ADGRL3: variants seen among roughly 807,000 people sequenced by gnomAD.
ADGRL3 encodes calcium-independent alpha-latrotoxin receptor 3.
Under a neutral mutation model 153.5 loss-of-function variants are expected in ADGRL3, and 62 were observed. The observed-to-expected ratio is 0.40, with a 90% CI of 0.33 to 0.50. ADGRL3 has a LOEUF of 0.50. Ranked by LOEUF, ADGRL3 falls within the 20% of genes least tolerant of loss-of-function variation. The probability of loss-of-function intolerance (pLI) is 0.47; values close to 1 mark genes in which losing one functional copy is unlikely to be tolerated. For synonymous variants in ADGRL3, 710 were observed against 672.5 expected, an observed-to-expected ratio of 1.06 and a Z score of -0.86; for missense variants, 1,641 against 1,859.4, an observed-to-expected ratio of 0.88 and a Z score of 2.16.
intron 9 of ADGRL3, among the ~76,000 whole-genome samples, chr4:61,831,604 C>G (rs1452681919): frequency 1.3e-5 from 2 of 151,974 alleles, no homozygotes; most frequent in Non-Finnish European, 2.9e-5. Flanking sequence ...GAGATTTACT[C>G]CCAGTGGACA....
intron 17 of ADGRL3, among the ~76,000 whole-genome samples, chr4:61,977,984 G>A (rs1295864777): frequency 3.9e-5 from 6 of 152,060 alleles, no homozygotes; most frequent in Admixed American, 2.6e-4. Flanking sequence ...TTCTATCGTG[G>A]CCATCTTTAT....
At chr4:62,018,593 A>AAG (rs893205658) in intron 21 of ADGRL3, among the ~76,000 whole-genome samples, 1 of 151,590 alleles carries the variant, frequency 6.6e-6, no homozygotes, top group Non-Finnish European at 1.5e-5. Context: ...AGAAATGAGG[A>AAG]AGAGAGAGAG....
chr4:61,563,231 A>G (rs751621790), intron 4 of ADGRL3, among the ~76,000 whole-genome samples: 1 of 152,178 alleles, frequency 6.6e-6, no homozygotes, highest in African/African-American at 2.4e-5. Context: ...GACAGAATGC[A>G]TTGTAAATAA....
intron 10 of ADGRL3, among the ~76,000 whole-genome samples, chr4:61,894,021 A>C (rs1234032012): frequency 6.6e-6 from 1 of 151,912 alleles, no homozygotes; most frequent in East Asian, 1.9e-4. Context: ...TTCTTTGCCT[A>C]TTTTATTACT....
intron 1 of ADGRL3, among the ~76,000 whole-genome samples, chr4:61,212,500 A>G (rs369917428): frequency 1.3e-5 from 2 of 152,156 alleles, no homozygotes; most frequent in East Asian, 1.9e-4. Flanking sequence ...TTTTCAAATG[A>G]TAGACATCTA....
chr4:61,216,919 C>T (rs1264846792), intron 1 of ADGRL3, among the ~76,000 whole-genome samples: 1 of 152,162 alleles, frequency 6.6e-6, no homozygotes, highest in Non-Finnish European at 1.5e-5. Flanking sequence ...GCACCCAATA[C>T]ATTTTATTAT....
At chr4:61,806,856 T>A (rs923905470) in intron 8 of ADGRL3, among the ~76,000 whole-genome samples, 1 of 152,068 alleles carries the variant, frequency 6.6e-6, no homozygotes, top group Non-Finnish European at 1.5e-5. Context: ...CACAAGAGAA[T>A]TGGGAGTATA....
intron 2 of ADGRL3, among the ~76,000 whole-genome samples, chr4:61,438,970 G>A (rs1393352480): frequency 2.0e-5 from 3 of 151,958 alleles, no homozygotes; most frequent in Non-Finnish European, 2.9e-5. Context: ...GCCTCCCAAA[G>A]TGCGGTTGTT....
At position 61,508,232 on chromosome 4, in the gene ADGRL3, C is replaced by T. The variant is rs112164277; in HGVS notation, c.56-9083C>T. 1.5e-3 allele frequency among the ~76,000 whole-genome samples: 226 copies of T among 152,140 alleles called. 2 individuals are homozygous for T. Among genetic ancestry groups the T allele is most frequent in the African/African-American group, 5.0e-3 (209 of 41,538 alleles). The stretch of plus-strand genomic sequence containing the variant: ...CATCACAGTATTACAATTTAGGCAA[C>T]GATTATAATGAAAGTCACTATTTTT... On this transcript the variant is annotated intron_variant, in intron 3 of 26. Coordinates refer to ENST00000683033, the MANE Select transcript of ADGRL3 (RefSeq NM_001387552.1).
intron 9 of ADGRL3, among the ~76,000 whole-genome samples, chr4:61,849,844 A>C (rs2098180358): frequency 6.6e-6 from 1 of 152,144 alleles, no homozygotes; most frequent in Non-Finnish European, 1.5e-5. Context: ...AGACCTTAAA[A>C]TGTTTTCATA....
chr4:61,877,598 G>A (rs536962629), intron 9 of ADGRL3, among the ~76,000 whole-genome samples: 6 of 152,242 alleles, frequency 3.9e-5, no homozygotes, highest in African/African-American at 1.4e-4. Context: ...AAAGTAACAG[G>A]CACTGGCTGG....
intron 6 of ADGRL3, among the ~76,000 whole-genome samples, chr4:61,709,886 A>T (rs1190707340): frequency 2.6e-5 from 4 of 152,210 alleles, no homozygotes; most frequent in Non-Finnish European, 5.9e-5. Context: ...AAATTTAAGT[A>T]GAAAAAATGC....
chr4:61,614,002 G>A (rs1372722596), intron 5 of ADGRL3, among the ~76,000 whole-genome samples: 1 of 152,082 alleles, frequency 6.6e-6, no homozygotes, highest in Non-Finnish European at 1.5e-5. Context: ...AGGATGGTTA[G>A]TGAATAATGA....
chr4:61,847,235 C>T (rs954926744), intron 9 of ADGRL3, among the ~76,000 whole-genome samples: 45 of 151,636 alleles, frequency 3.0e-4, no homozygotes, highest in East Asian at 9.7e-4. Context: ...TATTTTTGTA[C>T]GTATTCATGA....
At chr4:61,832,971 A>G (rs993088772) in intron 9 of ADGRL3, among the ~76,000 whole-genome samples, 33 of 152,148 alleles carry the variant, frequency 2.2e-4, no homozygotes, top group African/African-American at 7.9e-4. Flanking sequence ...CATTGAGTTC[A>G]TGTAGAGCCA....
intron 4 of ADGRL3, among the ~76,000 whole-genome samples, chr4:61,566,693 G>C: frequency 6.6e-6 from 1 of 152,102 alleles, no homozygotes; most frequent in Middle Eastern, 3.4e-3. Context: ...ATATATAATG[G>C]AATGTTGGTA....
At chr4:61,801,246 A>G (rs2097492728) in intron 8 of ADGRL3, among the ~76,000 whole-genome samples, 2 of 152,082 alleles carry the variant, frequency 1.3e-5, no homozygotes, top group South Asian at 4.1e-4. Context: ...GAAGCAATGG[A>G]TAATGGCTTT....
At chr4:61,954,639 C>T (rs1037242870) in intron 17 of ADGRL3, among the ~76,000 whole-genome samples, 1 of 152,036 alleles carries the variant, frequency 6.6e-6, no homozygotes, top group Non-Finnish European at 1.5e-5. Context: ...CTCACCTGCT[C>T]TAGCCACTGG....
chr4:61,508,417 T>C (rs189599847), intron 3 of ADGRL3, among the ~76,000 whole-genome samples: 3 of 152,334 alleles, frequency 2.0e-5, no homozygotes, highest in East Asian at 3.9e-4. Flanking sequence ...GCGTATTTTA[T>C]AAAGCTTTTG....
Sources: gnomAD v4.1 joint callset for allele counts (sites outside exome capture counted in the v4.1 genomes callset) on GRCh38, gnomAD v4.1.1 for gene constraint, MANE v1.5 for transcripts, NCBI Gene and HGNC (gene_info 2026-07-23, HGNC 2026-07-21) for gene names.